Variants in NMRAL1 observed in about 807,000 individuals in gnomAD.
NMRAL1 encodes nmrA-like family domain-containing protein 1.
In NMRAL1, 32 loss-of-function variants were observed where a neutral mutation model predicts 27.5. That is an observed-to-expected ratio of 1.16 (90% CI 0.88 to 1.56). NMRAL1 has a LOEUF of 1.56. Among genes scored for constraint, NMRAL1 ranks in the 40% most tolerant of loss-of-function variants. The pLI is 0.00. For missense variants in NMRAL1, 420 were observed against 392.0 expected, an observed-to-expected ratio of 1.07 and a Z score of -0.60; for synonymous variants, 166 against 166.8, an observed-to-expected ratio of 1.00 and a Z score of 0.04.
At chr16:4,468,430 A>G (rs2057413148) in intron 3 of NMRAL1, among the ~76,000 whole-genome samples, 1 of 152,270 alleles carries the variant, frequency 6.6e-6, no homozygotes, top group South Asian at 2.1e-4. Flanking sequence ...AGCCTGGCCA[A>G]CATGGTGAAA....
chr16:4,473,535 A>G (rs374990931), intron 2 of NMRAL1, among the ~76,000 whole-genome samples: 1 of 152,194 alleles, frequency 6.6e-6, no homozygotes, highest in African/African-American at 2.4e-5. Flanking sequence ...GGTAACAGCA[A>G]TAGATGAGGT....
chr16:4,468,394 T>C, intron 3 of NMRAL1, among the ~76,000 whole-genome samples: 1 of 152,056 alleles, frequency 6.6e-6, no homozygotes, highest in African/African-American at 2.4e-5. Context: ...GGTGGGCGGA[T>C]CACCTGAGGT....
chr16:4,473,153 G>A (rs1049546830), intron 2 of NMRAL1, among the ~76,000 whole-genome samples: 6 of 151,976 alleles, frequency 3.9e-5, no homozygotes, highest in Middle Eastern at 3.4e-3. Context: ...TTTTTTTGTA[G>A]AGACGAGATT....
intron 4 of NMRAL1, among the ~76,000 whole-genome samples, chr16:4,464,438 C>T (rs114782765): frequency 3.3e-5 from 5 of 152,152 alleles, no homozygotes; most frequent in African/African-American, 9.6e-5. Context: ...AACTTCCAGG[C>T]TGAGGTTTTG....
At chr16:4,473,805 A>C (rs146299834) in intron 2 of NMRAL1, among the ~76,000 whole-genome samples, 1 of 152,054 alleles carries the variant, frequency 6.6e-6, no homozygotes, top group Non-Finnish European at 1.5e-5. Context: ...ATGCCCTTGT[A>C]ATCCCAGCTA....
chr16:4,474,498 G>T, intron 1 of NMRAL1, 56 bp downstream of exon 1: 1 of 225,398 alleles, frequency 4.4e-6, no homozygotes, highest in Non-Finnish European at 8.9e-6. Context: ...CACTGCAGAG[G>T]CGGGGATGGA....
At chr16:4,467,632 G>A (rs1176053436) in intron 3 of NMRAL1, among the ~76,000 whole-genome samples, 1 of 150,720 alleles carries the variant, frequency 6.6e-6, no homozygotes, top group Non-Finnish European at 1.5e-5. Context: ...TTTTGTTTTT[G>A]TTTTTGAGAC....
chr16:4,463,639 C>A, intron 5 of NMRAL1, 21 bp downstream of exon 5: 1 of 1,610,818 alleles, frequency 6.2e-7, no homozygotes, highest in South Asian at 1.1e-5. Context: ...ATGCCTGAGT[C>A]ACCTGGGGCG....
intron 2 of NMRAL1, among the ~76,000 whole-genome samples, chr16:4,470,268 G>A (rs941308282): frequency 1.3e-5 from 2 of 149,868 alleles, no homozygotes; most frequent in African/African-American, 4.9e-5. Flanking sequence ...TTGGGAGTTT[G>A]AGAACAGCCC....
At chr16:4,468,397 CCT>C in intron 3 of NMRAL1, among the ~76,000 whole-genome samples, 1 of 152,146 alleles carries the variant, frequency 6.6e-6, no homozygotes, top group South Asian at 2.1e-4. Context: ...GGGCGGATCA[CCT>C]GAGGTCAGGA....
At chr16:4,462,038 G>C in intron 5 of NMRAL1, 79 bp from the exon 6 acceptor site, 1 of 1,221,536 alleles carries the variant, frequency 8.2e-7, no homozygotes. Flanking sequence ...CGGATGGGCT[G>C]GGGTCTCCCG....
intron 2 of NMRAL1, among the ~76,000 whole-genome samples, chr16:4,472,616 C>T (rs536698667): frequency 2.1e-4 from 32 of 152,008 alleles, no homozygotes; most frequent in Admixed American, 2.0e-3. Context: ...TGGTGGCTCA[C>T]GCCTGTAGTC....
At chr16:4,473,341 C>A (rs2057669539) in intron 2 of NMRAL1, among the ~76,000 whole-genome samples, 1 of 152,096 alleles carries the variant, frequency 6.6e-6, no homozygotes, top group African/African-American at 2.4e-5. Flanking sequence ...TCTATGAATA[C>A]ACTAGAAACC....
chr16:4,471,703 C>A (rs1195910464), intron 2 of NMRAL1, among the ~76,000 whole-genome samples: 1 of 151,448 alleles, frequency 6.6e-6, no homozygotes, highest in African/African-American at 2.4e-5. Flanking sequence ...ATACTGAATT[C>A]TAGCTAATGT....
In NMRAL1 at chr16:4,466,418, G is replaced by A; in HGVS notation, c.280-16C>T. On this transcript the variant is annotated splice_polypyrimidine_tract_variant and intron_variant, in intron 3 of 5. Transcript: ENST00000283429. ...GCAGCTTCCCCTGGAGGGCAGGGAA[G>A]GAGAGATCACAAGGCTCAGAAGAAG... 6.2e-7 allele frequency: 1 copy of A among 1,608,728 alleles called. No homozygotes were observed. The highest frequency in any genetic ancestry group is 8.5e-7 in the Non-Finnish European group (1 of 1,177,624).
chr16:4,475,394 G>T (rs2057791967), upstream of NMRAL1, among the ~76,000 whole-genome samples: 5 of 151,694 alleles, frequency 3.3e-5, no homozygotes, highest in South Asian at 1.0e-3. Context: ...TGCAACTTCC[G>T]CCTCTTGGGT....
At position 4,463,880 on chromosome 16, in the gene NMRAL1, G is replaced by A. The variant is rs755609772; in HGVS notation, c.530-30C>T. 2.9e-5 allele frequency: 46 copies of A among 1,596,152 alleles called. 1 individual carries two copies. The South Asian group carries it at 5.1e-4, about 18-fold the overall frequency. ...GGGGCAGAGACGTGAGCTGGTATAT[G>A]TCCCGAGGGCAGACAGGGGCAGGGA... is the stretch of plus-strand genomic sequence containing the variant. On this transcript the variant is annotated intron_variant, in intron 4 of 5. Transcript: ENST00000283429.
intron 2 of NMRAL1, 69 bp from the exon 3 acceptor site, chr16:4,469,534 A>G (rs2057468519): frequency 1.3e-6 from 2 of 1,597,354 alleles, no homozygotes; most frequent in African/African-American, 2.7e-5. Flanking sequence ...CGAAACCCCG[A>G]AGGGAGTGCT....
rs1220649154 is a variant in NMRAL1, at chr16:4,466,344, C to T, written c.338G>A (p.Gly113Asp). The change falls in exon 4 of 6, where the codon GGC becomes GAC. Residue 113 changes from glycine (G) to aspartate (D), a missense_variant. Gly to Asp is a moderately conservative substitution (Grantham distance 94, BLOSUM62 -1). Transcript: ENST00000283429. Reference sequence around the variant, plus strand: ...CGTCAGCTTCTTGATGTTCTCCAGGCCGCTGTAGACCACATAGTGGAGGCC... The same window carrying T: ...CGTCAGCTTCTTGATGTTCTCCAGGTCGCTGTAGACCACATAGTGGAGGCC... ...RLGLHYVVYS[G>D]LENIKKLTAG... is the part of the protein sequence containing the mutation. 1 of 1,613,656 alleles carries T rather than the reference C, an allele frequency of 6.2e-7. No homozygotes were observed. The highest frequency in any genetic ancestry group is 1.3e-5 in the African/African-American group (1 of 74,914).
Sources: gnomAD v4.1 joint callset for allele counts (sites outside exome capture counted in the v4.1 genomes callset) on GRCh38, gnomAD v4.1.1 for gene constraint, MANE v1.5 for transcripts, NCBI Gene and HGNC (gene_info 2026-07-23, HGNC 2026-07-21) for gene names.